TULP4: variants seen among roughly 807,000 people sequenced by gnomAD.
TULP4 encodes the protein TUB like protein 4.
TULP4 carries 16 observed loss-of-function variants against 129.0 expected under a neutral mutation model. That is an observed-to-expected ratio of 0.12 (90% confidence interval 0.08 to 0.19). The LOEUF is 0.19. TULP4 is among the 10% of genes least tolerant of loss of function. The probability of loss-of-function intolerance (pLI) is 1.00; values close to 1 mark genes in which losing one functional copy is unlikely to be tolerated. For synonymous variants in TULP4, 998 were observed against 854.0 expected, an observed-to-expected ratio of 1.17 and a Z score of -2.94; for missense variants, 1,842 against 2,059.1, an observed-to-expected ratio of 0.89 and a Z score of 2.04.
At chr6:158,479,052 G>T (rs1412519904) in intron 6 of TULP4, among the ~76,000 whole-genome samples, 2 of 152,120 alleles carry the variant, frequency 1.3e-5, no homozygotes, top group Non-Finnish European at 2.9e-5. Context: ...TCCTCACAGG[G>T]TCCCCACTCA....
At chr6:158,241,480 C>T (rs1161303278) in intron 1 of TULP4, among the ~76,000 whole-genome samples, 1 of 151,560 alleles carries the variant, frequency 6.6e-6, no homozygotes, top group African/African-American at 2.4e-5. Flanking sequence ...AACGAGACTC[C>T]GTCTGCAATC....
chr6:158,245,087 A>C (rs1021382262), intron 1 of TULP4, among the ~76,000 whole-genome samples: 3 of 151,924 alleles, frequency 2.0e-5, no homozygotes, highest in African/African-American at 7.3e-5. Context: ...TCCCAGGTTC[A>C]AGCAATCCTC....
intron 1 of TULP4, among the ~76,000 whole-genome samples, chr6:158,408,165 T>C (rs780297239): frequency 1.2e-4 from 18 of 152,114 alleles, no homozygotes; most frequent in African/African-American, 4.1e-4. Context: ...GTGTACCGTA[T>C]GGGCCGGGAC....
At chr6:158,396,003 A>G (rs982099248) in intron 1 of TULP4, among the ~76,000 whole-genome samples, 1 of 152,194 alleles carries the variant, frequency 6.6e-6, no homozygotes, top group Non-Finnish European at 1.5e-5. Context: ...CTCTTGACCC[A>G]GATTGCCTGG....
chr6:158,274,558 T>G (rs910660794), intron 1 of TULP4, among the ~76,000 whole-genome samples: 1 of 151,780 alleles, frequency 6.6e-6, no homozygotes, highest in Non-Finnish European at 1.5e-5. Flanking sequence ...GGGCGGATCA[T>G]GAGGTCAGGA....
Position 158,503,420 on chromosome 6 carries a change from T to G in TULP4, c.3757T>G (p.Leu1253Val). The change falls in exon 13 of 14, where the codon TTA (leucine) becomes GTA (valine). Residue 1253 changes from leucine (L) to valine (V), a missense_variant. Transcript: ENST00000367097. This position sits in a 1 kb window ranked among gnomAD's most constrained non-coding sequence, Gnocchi z 4.3. ...MYPGSSTCSS[L>V]QLPPVALHPW... is the part of the protein sequence containing the mutation. ...CCCAGGAAGCAGCACGTGCTCTAGTTTACAGCTGCCACCTGTCGCCTTGCA... is the reference window on the plus strand; with the variant it reads ...CCCAGGAAGCAGCACGTGCTCTAGTGTACAGCTGCCACCTGTCGCCTTGCA... 6.2e-7 allele frequency: 1 copy of G among 1,613,922 alleles called. No individual in the cohort carries two copies. Among genetic ancestry groups the G allele is most frequent in the Non-Finnish European group, 8.5e-7 (1 of 1,180,008 alleles).
At chr6:158,301,588 C>T (rs1583719395) in intron 1 of TULP4, among the ~76,000 whole-genome samples, 1 of 152,218 alleles carries the variant, frequency 6.6e-6, no homozygotes, top group African/African-American at 2.4e-5. Context: ...GCCATTTGGT[C>T]CAGATAAACA....
At chr6:158,403,743 A>G (rs532767001) in intron 1 of TULP4, among the ~76,000 whole-genome samples, 4 of 152,316 alleles carry the variant, frequency 2.6e-5, no homozygotes, top group Admixed American at 1.3e-4. Flanking sequence ...TGGGCGTCTC[A>G]TTGCTCAGGT....
In TULP4 at chr6:158,510,458, A is replaced by T. The variant is rs1780712440; in HGVS notation, c.*3764A>T. ...AAAGGATCAGCCTGGACAGCCCTCT[A>T]AACTCCCTTACAGCTCTCAGCCTAA... On this transcript the variant is annotated 3_prime_UTR_variant, in exon 14 of 14. Transcript: ENST00000367097. The T allele has an allele frequency of 6.6e-6, 1 of 152,222 alleles. No individual in the cohort carries two copies. Among genetic ancestry groups the T allele is most frequent in the Non-Finnish European group, 1.5e-5 (1 of 68,034 alleles). The allele number at this position is 152,222 out of a possible 1,614,324, so 9.4% of individuals were successfully genotyped here.
At chr6:158,295,818 G>A (rs1282454228) in intron 1 of TULP4, among the ~76,000 whole-genome samples, 1 of 152,216 alleles carries the variant, frequency 6.6e-6, no homozygotes, top group Non-Finnish European at 1.5e-5. Context: ...ACGAACCTGG[G>A]AGGCAGAGCT....
At chr6:158,388,316 G>GTTTTTTTTTTTTTT (rs1377926300) in intron 1 of TULP4, among the ~76,000 whole-genome samples, 5 of 92,806 alleles carry the variant, frequency 5.4e-5, no homozygotes, top group Admixed American at 1.1e-4. Flanking sequence ...TAATCTGCTC[G>GTTTTTTTTTTTTTT]TTTTTCTTTT....
At chr6:158,435,984 G>T (rs1284939012) in intron 3 of TULP4, among the ~76,000 whole-genome samples, 1 of 151,484 alleles carries the variant, frequency 6.6e-6, no homozygotes, top group South Asian at 2.1e-4. Flanking sequence ...GCACGATCTC[G>T]GCTCACTGCA....
intron 5 of TULP4, among the ~76,000 whole-genome samples, chr6:158,456,507 C>G (rs887136427): frequency 7.7e-6 from 1 of 129,966 alleles, no homozygotes; most frequent in African/African-American, 3.2e-5. Context: ...AGATTGGACA[C>G]CTCTGTTCTA....
chr6:158,381,926 G>A (rs1303313529), intron 1 of TULP4, among the ~76,000 whole-genome samples: 4 of 152,044 alleles, frequency 2.6e-5, no homozygotes, highest in East Asian at 3.9e-4. Flanking sequence ...TTTTGTTATT[G>A]TTGTTGTTGT....
chr6:158,274,544 A>G (rs961284864), intron 1 of TULP4, among the ~76,000 whole-genome samples: 34 of 152,122 alleles, frequency 2.2e-4, no homozygotes, highest in Non-Finnish European at 4.9e-4. Context: ...TGGGAGGCCA[A>G]GGCGGGCGGA....
At chr6:158,315,217 G>T (rs1346647209) in intron 1 of TULP4, among the ~76,000 whole-genome samples, 2 of 152,064 alleles carry the variant, frequency 1.3e-5, no homozygotes, top group Admixed American at 1.3e-4. Context: ...CTTATAAACA[G>T]TAGAAATTTA....
rs1379430128 is a variant in TULP4, at chr6:158,509,266, T to C, written c.*2572T>C. ...TTCCTATTAATCACTTAAAAATTTT[T>C]TTTTGTATTTTGTGTTATTGATTAT... On this transcript the variant is annotated 3_prime_UTR_variant, in exon 14 of 14. Coordinates refer to ENST00000367097, the MANE Select transcript of TULP4 (RefSeq NM_020245.5). 6.6e-6 allele frequency: 1 copy of C among 152,200 alleles called. No homozygotes were observed. Among genetic ancestry groups the C allele is most frequent in the African/African-American group, 2.4e-5 (1 of 41,458 alleles). The allele number at this position is 152,200 out of a possible 1,614,324, so 9.4% of individuals were successfully genotyped here. A position where few individuals can be genotyped will look rare whatever the true frequency, so the allele number is the denominator to read the frequency against.
intron 3 of TULP4, among the ~76,000 whole-genome samples, chr6:158,444,014 T>C (rs957295862): frequency 2.6e-5 from 4 of 151,824 alleles, no homozygotes; most frequent in African/African-American, 7.3e-5. Context: ...GGTCAGGAGA[T>C]TGAGACCATC....
intron 1 of TULP4, chr6:158,397,950 G>A (rs893372408): frequency 6.6e-6 from 1 of 152,182 alleles, no homozygotes; most frequent in Admixed American, 6.5e-5. Flanking sequence ...TGTAGCTTCT[G>A]TAGATTGGCA....
Sources: allele counts gnomAD v4.1 joint callset (sites outside exome capture counted in the v4.1 genomes callset), GRCh38; gene constraint gnomAD v4.1.1; non-coding constraint Gnocchi (gnomAD v3.1); transcripts MANE v1.5; gene names NCBI Gene and HGNC (gene_info 2026-07-23, HGNC 2026-07-21).